The following PRKG2 variants were observed in gnomAD, a reference collection of about 807,000 sequenced individuals.
PRKG2 encodes protein kinase cGMP-dependent 2.
In PRKG2, 33 loss-of-function variants were observed where a neutral mutation model predicts 97.2. The observed-to-expected ratio is 0.34, with a 90% confidence interval of 0.26 to 0.45. PRKG2 has a LOEUF of 0.45. Ranked by LOEUF, PRKG2 falls within the 20% of genes least tolerant of loss-of-function variation. The probability of loss-of-function intolerance (pLI) is 1.00; values close to 1 mark genes in which losing one functional copy is unlikely to be tolerated. For missense variants in PRKG2, 638 were observed against 900.0 expected (o/e 0.71, Z 3.73); for synonymous variants, 330 against 321.8 (o/e 1.03, Z -0.27).
intron 6 of PRKG2, among the ~76,000 whole-genome samples, chr4:81,155,177 C>CA (rs57874087): frequency 0.023 from 1,673 of 74,318 alleles, 87 homozygotes; most frequent in Non-Finnish European, 0.03. Context: ...GACTCCGTCT[C>CA]AAAAAAAAAA....
At chr4:81,151,939 G>A (rs1483253148) in intron 8 of PRKG2, 21 bp downstream of exon 8, 3 of 1,543,702 alleles carry the variant, frequency 1.9e-6, no homozygotes, top group Admixed American at 1.7e-5. Context: ...CCAAAGTATG[G>A]CATATAATTC....
At position 81,091,758 on chromosome 4, in the gene PRKG2, ATCATTCCTGAG is replaced by A. The variant is rs540845210; in HGVS notation, c.2193+617_2193+627del. On this transcript the variant is annotated intron_variant, in intron 18 of 18. Coordinates refer to ENST00000264399, the MANE Select transcript of PRKG2 (RefSeq NM_006259.3). Reference sequence around the variant, plus strand: ...TAAACTTAGTAGTATGTTGACCTAGATCATTCCTGAGTCATTCTTCCTCCCATGTTAGCTGA... The same window carrying A: ...TAAACTTAGTAGTATGTTGACCTAGATCATTCTTCCTCCCATGTTAGCTGA... Among the ~76,000 whole-genome samples the A allele has an allele frequency of 2.5e-3, 386 of 152,272 alleles. 2 individuals are homozygous for A. Among genetic ancestry groups the A allele is most frequent in the East Asian group, 0.023 (121 of 5,182 alleles).
Position 81,153,643 on chromosome 4 carries a change from C to A in PRKG2, c.990+1G>T. On this transcript the variant is annotated splice_donor_variant, in intron 7 of 18. Coordinates refer to ENST00000264399, the MANE Select transcript of PRKG2 (RefSeq NM_006259.3). LOFTEE classifies it high-confidence loss of function. ...TTTAGTAAGTTTTAATTAATAGTTA[C>A]CTTTCCTTTTGCCAAAATGAAAAAG... The A allele has an allele frequency of 6.4e-7, 1 of 1,574,492 alleles. No individual in the cohort carries two copies. Among genetic ancestry groups the A allele is most frequent in the Non-Finnish European group, 8.7e-7 (1 of 1,144,522 alleles).
chr4:81,095,146 C>G (rs149593904), intron 17 of PRKG2, among the ~76,000 whole-genome samples: 1 of 152,154 alleles, frequency 6.6e-6, no homozygotes, highest in Non-Finnish European at 1.5e-5. Flanking sequence ...TATTACAAGT[C>G]TAAGCTTAGC....
intron 2 of PRKG2, among the ~76,000 whole-genome samples, chr4:81,189,737 T>C (rs1752304377): frequency 6.7e-6 from 1 of 148,232 alleles, no homozygotes; most frequent in East Asian, 2.0e-4. Context: ...GTTGTGCACA[T>C]GTACCCTAAA....
At chr4:81,161,642 C>T (rs1749598874) in intron 6 of PRKG2, among the ~76,000 whole-genome samples, 1 of 152,122 alleles carries the variant, frequency 6.6e-6, no homozygotes, top group African/African-American at 2.4e-5. Flanking sequence ...GTGGGAACTG[C>T]TCATGAGGTC....
At chr4:81,181,142 A>G (rs767846740) in intron 2 of PRKG2, among the ~76,000 whole-genome samples, 5 of 152,106 alleles carry the variant, frequency 3.3e-5, no homozygotes, top group Non-Finnish European at 5.9e-5. Flanking sequence ...ATGGCAAACC[A>G]CAAATCATTT....
chr4:81,163,023 A>T (rs1749697216), intron 6 of PRKG2, among the ~76,000 whole-genome samples: 1 of 152,254 alleles, frequency 6.6e-6, no homozygotes, highest in African/African-American at 2.4e-5. Flanking sequence ...TCAAAGGGGG[A>T]AAAGCTTGAA....
intron 7 of PRKG2, among the ~76,000 whole-genome samples, chr4:81,152,633 T>C (rs1217117060): frequency 3.9e-5 from 6 of 152,200 alleles, no homozygotes; most frequent in Non-Finnish European, 8.8e-5. Flanking sequence ...AAGCCCTGTT[T>C]GTGGCTAGAG....
At position 81,155,570 on chromosome 4, in the gene PRKG2, T is replaced by C. The variant is rs1372892512; in HGVS notation, c.913-1849A>G. Among the ~76,000 whole-genome samples, 8 of 151,662 alleles carry C rather than the reference T, an allele frequency of 5.3e-5. 1 individual carries two copies. Among genetic ancestry groups the C allele is most frequent in the African/African-American group, 1.9e-4 (8 of 41,310 alleles). ...CAGGCCAACATTCAGATTCAGGAAA[T>C]ACAGAGAACGCCACAAAGATACTCC... On this transcript the variant is annotated intron_variant, in intron 6 of 18. Coordinates refer to ENST00000264399, the MANE Select transcript of PRKG2 (RefSeq NM_006259.3).
intron 18 of PRKG2, 45 bp from the exon 19 acceptor site, chr4:81,089,848 A>G (rs1741375076): frequency 6.8e-7 from 1 of 1,473,722 alleles, no homozygotes; most frequent in Non-Finnish European, 9.5e-7. Context: ...AATGTTGACC[A>G]AGCATGCTAT....
chr4:81,150,131 A>C (rs1411565195), intron 8 of PRKG2, among the ~76,000 whole-genome samples: 2 of 152,200 alleles, frequency 1.3e-5, no homozygotes. Flanking sequence ...ATCTAGAAAT[A>C]GACATAAGCA....
chr4:81,171,730 C>T lies in PRKG2; in HGVS notation c.703G>A (p.Ala235Thr). Residue 235 changes from alanine to threonine, a missense_variant, in exon 4 of 19, where the codon GCC becomes ACC. Ala to Thr is a moderately conservative substitution (Grantham distance 58). Transcript: ENST00000264399. The part of the protein sequence containing the change: ...IPMWTTFGEL[A>T]ILYNCTRTAS... ...GTCCTTGTACAATTGTATAAAATGGCAAGCTCCCCAAATGTGGTCCACATA... is the reference window on the plus strand; with the variant it reads ...GTCCTTGTACAATTGTATAAAATGGTAAGCTCCCCAAATGTGGTCCACATA... 6.2e-7 allele frequency: 1 copy of T among 1,610,674 alleles called. No homozygotes were observed. The highest frequency in any genetic ancestry group is 8.5e-7 in the Non-Finnish European group (1 of 1,178,370).
chr4:81,137,388 A>T lies in PRKG2; in HGVS notation c.1634+5T>A, dbSNP rs1404567090. 1 of 1,597,232 alleles carries T rather than the reference A, an allele frequency of 6.3e-7. No homozygotes were observed. The highest frequency in any genetic ancestry group is 8.6e-7 in the Non-Finnish European group (1 of 1,165,040). On this transcript the variant is annotated splice_donor_5th_base_variant and intron_variant, in intron 13 of 18. Transcript: ENST00000264399. Reference sequence around the variant, plus strand: ...CAGATGTGAGTATACAAACTTTTTCATTACCTGTCCCTTAATATACTCCAG... The same window carrying T: ...CAGATGTGAGTATACAAACTTTTTCTTTACCTGTCCCTTAATATACTCCAG...
intron 17 of PRKG2, among the ~76,000 whole-genome samples, chr4:81,103,546 A>G (rs1743027551): frequency 1.3e-5 from 2 of 152,182 alleles, no homozygotes; most frequent in African/African-American, 4.8e-5. Flanking sequence ...ATAAATATAT[A>G]TTAATTAAAC....
At chr4:81,158,153 G>A (rs1463074637) in intron 6 of PRKG2, among the ~76,000 whole-genome samples, 2 of 145,578 alleles carry the variant, frequency 1.4e-5, no homozygotes, top group Non-Finnish European at 1.5e-5. Context: ...CCTGTTTGCA[G>A]ACGATATGAT....
Position 81,087,996 on chromosome 4 carries a change from A to G in PRKG2, c.*1712T>C, listed in dbSNP as rs1471645999. On this transcript the variant is annotated 3_prime_UTR_variant, in exon 19 of 19. Coordinates refer to ENST00000264399, the MANE Select transcript of PRKG2 (RefSeq NM_006259.3). ...CTTTATAGGTTGGAAATTTAAAAAT[A>G]TATACATGGAAAAACATACAGTACA... 4 of 152,166 alleles carry G rather than the reference A, an allele frequency of 2.6e-5. No individual in the cohort carries two copies. The highest frequency in any genetic ancestry group is 5.9e-5 in the Non-Finnish European group (4 of 67,998). 9.4% of individuals were successfully genotyped at this position (152,166 alleles called of 1,614,324 possible).
intron 17 of PRKG2, among the ~76,000 whole-genome samples, chr4:81,094,254 T>C (rs765549844): frequency 5.3e-5 from 8 of 152,106 alleles, no homozygotes; most frequent in South Asian, 4.2e-4. Flanking sequence ...CAGAGCTCTG[T>C]AGCTATTTTT....
At chr4:81,130,971 C>A (rs1200107025) in intron 14 of PRKG2, among the ~76,000 whole-genome samples, 2 of 152,188 alleles carry the variant, frequency 1.3e-5, no homozygotes, top group East Asian at 3.9e-4. Context: ...CTGGCTTCAG[C>A]CCCCTTTCCA....
Sources: gnomAD v4.1 joint callset for allele counts (sites outside exome capture counted in the v4.1 genomes callset) on GRCh38, gnomAD v4.1.1 for gene constraint, MANE v1.5 for transcripts, NCBI Gene and HGNC (gene_info 2026-07-23, HGNC 2026-07-21) for gene names.